PDE4B: variants seen among roughly 807,000 people sequenced by gnomAD.
The protein encoded by PDE4B is 3',5'-cyclic-AMP phosphodiesterase 4B.
In PDE4B, 20 loss-of-function variants were observed where a neutral mutation model predicts 82.2. The ratio of observed to expected loss-of-function variants is 0.24; its 90% CI spans 0.17 to 0.35. The LOEUF (loss-of-function observed/expected upper bound fraction) is 0.35, where lower values mean the gene tolerates loss of function less well. Ranked by LOEUF, PDE4B falls within the 10% of genes least tolerant of loss-of-function variation. PDE4B has a pLI of 1.00. For missense variants in PDE4B, 655 were observed against 907.2 expected (o/e 0.72, Z 3.57); for synonymous variants, 320 against 318.9 (o/e 1.00, Z -0.04).
rs1030289245 is a variant in PDE4B, at chr1:66,354,940, C to T, written c.748-587C>T. 4.8e-5 allele frequency: 72 copies of T among 1,502,364 alleles called. 1 individual carries two copies. The Middle Eastern group carries it at 5.1e-4, about 11-fold the overall frequency. 93.1% of individuals were successfully genotyped at this position (1,502,364 alleles called of 1,614,324 possible). The stretch of plus-strand genomic sequence containing the variant: ...TCTGTGTCTTTGATAAAATGTGAAA[C>T]GTACCTCTGTGTGTTTTTTTGTGAA... On this transcript the variant is annotated intron_variant, in intron 8 of 16. Coordinates refer to ENST00000341517, the MANE Select transcript of PDE4B (RefSeq NM_002600.4).
intron 3 of PDE4B, among the ~76,000 whole-genome samples, chr1:65,976,294 C>A (rs1405961335): frequency 6.6e-6 from 1 of 152,204 alleles, no homozygotes; most frequent in Non-Finnish European, 1.5e-5. Context: ...GTGCCTGTAG[C>A]CCCTTTGGTT....
At chr1:65,909,282 A>G (rs1348852556) in intron 1 of PDE4B, among the ~76,000 whole-genome samples, 1 of 152,146 alleles carries the variant, frequency 6.6e-6, no homozygotes, top group Admixed American at 6.6e-5. Context: ...TTAAACTCAA[A>G]ATATTACTTT....
chr1:66,293,815 A>G (rs1285947023), intron 7 of PDE4B, among the ~76,000 whole-genome samples: 1 of 152,224 alleles, frequency 6.6e-6, no homozygotes, highest in Non-Finnish European at 1.5e-5. Context: ...GAATCTGCAT[A>G]AAGGCTAGGT....
At chr1:66,133,209 G>C (rs2101118082) in intron 3 of PDE4B, among the ~76,000 whole-genome samples, 1 of 152,254 alleles carries the variant, frequency 6.6e-6, no homozygotes, top group Non-Finnish European at 1.5e-5. Flanking sequence ...TCTTTGTACA[G>C]TGCTATTCAC....
intron 3 of PDE4B, among the ~76,000 whole-genome samples, chr1:65,956,894 T>G (rs958150179): frequency 2.0e-5 from 3 of 152,146 alleles, no homozygotes; most frequent in Non-Finnish European, 2.9e-5. Context: ...TAAAGGTTCC[T>G]ATTTATCTGT....
chr1:65,881,497 T>C (rs1646708219), intron 1 of PDE4B, among the ~76,000 whole-genome samples: 1 of 152,142 alleles, frequency 6.6e-6, no homozygotes, highest in Non-Finnish European at 1.5e-5. Context: ...TCCCTAATAA[T>C]TTTCTGGAAT....
chr1:66,294,722 G>T (rs1488618549), intron 7 of PDE4B, among the ~76,000 whole-genome samples: 1 of 151,226 alleles, frequency 6.6e-6, no homozygotes, highest in East Asian at 1.9e-4. Context: ...CAGCAAAAGA[G>T]GAGAAAAAAA....
At chr1:66,202,800 C>A (rs1649124133) in intron 3 of PDE4B, among the ~76,000 whole-genome samples, 1 of 152,056 alleles carries the variant, frequency 6.6e-6, no homozygotes, top group Non-Finnish European at 1.5e-5. Context: ...ACTCTTTATC[C>A]AATTTGCCAG....
intron 3 of PDE4B, among the ~76,000 whole-genome samples, chr1:66,022,855 A>G (rs1359253455): frequency 2.6e-5 from 4 of 152,052 alleles, no homozygotes; most frequent in Admixed American, 6.6e-5. Context: ...CTCTTTTTCT[A>G]TTGATTGGAA....
At chr1:65,803,615 C>A (rs576502436) in intron 1 of PDE4B, among the ~76,000 whole-genome samples, 1 of 152,152 alleles carries the variant, frequency 6.6e-6, no homozygotes, top group South Asian at 2.1e-4. Flanking sequence ...AGATTTTGCC[C>A]AGATATAAAA....
At chr1:66,353,045 C>T (rs1348154328) in intron 8 of PDE4B, among the ~76,000 whole-genome samples, 1 of 152,190 alleles carries the variant, frequency 6.6e-6, no homozygotes, top group Non-Finnish European at 1.5e-5. Context: ...AACTTGTTTT[C>T]TTCAGCTTCT....
At position 65,845,902 on chromosome 1, in the gene PDE4B, G is replaced by T. The variant is rs1173412591; in HGVS notation, c.-71+52654G>T. On this transcript the variant is annotated intron_variant, in intron 1 of 16. Transcript: ENST00000341517. ...CTTTTTCTCCAGTCCCTATGCAGGG[G>T]CTTAGAGAATAGGGAAGTAAATTAC... Among the ~76,000 whole-genome samples, 3 of 152,116 alleles carry T rather than the reference G, an allele frequency of 2.0e-5. 1 individual carries two copies. The highest frequency in any genetic ancestry group is 2.0e-4 in the Admixed American group (3 of 15,252).
At chr1:65,807,811 G>A (rs1645771357) in intron 1 of PDE4B, among the ~76,000 whole-genome samples, 1 of 152,206 alleles carries the variant, frequency 6.6e-6, no homozygotes. Context: ...AGTGGGCAGG[G>A]CAGCTGGAGT....
intron 3 of PDE4B, among the ~76,000 whole-genome samples, chr1:66,198,041 A>T (rs1557626599): frequency 6.6e-6 from 1 of 152,236 alleles, no homozygotes; most frequent in East Asian, 1.9e-4. Context: ...TGACTGCTAC[A>T]AGTAAGTACT....
chr1:66,013,227 T>C (rs1344872445), intron 3 of PDE4B, among the ~76,000 whole-genome samples: 1 of 152,120 alleles, frequency 6.6e-6, no homozygotes, highest in South Asian at 2.1e-4. Context: ...TAGGATTTAA[T>C]TAAGAGTGAG....
intron 4 of PDE4B, 91 bp from the exon 5 acceptor site, chr1:66,257,556 T>C (rs1654337061): frequency 8.4e-7 from 1 of 1,185,720 alleles, no homozygotes; most frequent in Non-Finnish European, 1.3e-6. Flanking sequence ...ATTTGTGTTG[T>C]TAACACTGAT....
intron 3 of PDE4B, chr1:66,152,452 C>T (rs1646415483): frequency 7.6e-6 from 2 of 262,048 alleles, no homozygotes; most frequent in Non-Finnish European, 1.7e-5. Flanking sequence ...CACACCACCA[C>T]CTATGCAAGG....
At chr1:65,986,590 C>T (rs1553128721) in intron 3 of PDE4B, among the ~76,000 whole-genome samples, 1 of 152,152 alleles carries the variant, frequency 6.6e-6, no homozygotes, top group Non-Finnish European at 1.5e-5. Flanking sequence ...ATCCCTCCTC[C>T]TTTGTCTTAT....
At chr1:66,144,990 G>A (rs1268337425) in intron 3 of PDE4B, among the ~76,000 whole-genome samples, 1 of 152,182 alleles carries the variant, frequency 6.6e-6, no homozygotes, top group Admixed American at 6.5e-5. Flanking sequence ...TTTTACAATA[G>A]TAGAATGGAC....
Sources: gnomAD v4.1 joint callset for allele counts (sites outside exome capture counted in the v4.1 genomes callset) on GRCh38, gnomAD v4.1.1 for gene constraint, MANE v1.5 for transcripts, NCBI Gene and HGNC (gene_info 2026-07-23, HGNC 2026-07-21) for gene names.